MAP2K5: variants seen among roughly 807,000 people sequenced by gnomAD.
The protein encoded by MAP2K5 is dual specificity mitogen-activated protein kinase kinase 5.
MAP2K5 carries 49 observed loss-of-function variants against 83.1 expected under a neutral mutation model. The observed-to-expected ratio is 0.59, with a 90% CI of 0.47 to 0.75. The LOEUF is 0.75. MAP2K5 is among the 30% of genes least tolerant of loss of function. MAP2K5 has a pLI of 0.00. For synonymous variants in MAP2K5, 202 were observed against 191.8 expected (o/e 1.05, Z -0.44); for missense variants, 457 against 557.5 (o/e 0.82, Z 1.82).
chr15:67,678,962 C>CAAAAAAA (rs35828534), intron 13 of MAP2K5, among the ~76,000 whole-genome samples: 2 of 115,936 alleles, frequency 1.7e-5, no homozygotes, highest in South Asian at 3.1e-4. Context: ...CACTGCATCT[C>CAAAAAAA]AAAAAAAAAA....
chr15:67,629,097 A>G, intron 8 of MAP2K5: 1 of 734,472 alleles, frequency 1.4e-6, no homozygotes, highest in Non-Finnish European at 2.5e-6. Context: ...TGGCGGTTCC[A>G]GTAGCAGCAG....
At position 67,652,124 on chromosome 15, in the gene MAP2K5, A is replaced by G. The variant is rs1309318919; in HGVS notation, c.736+5655A>G. Among the ~76,000 whole-genome samples the G allele has an allele frequency of 6.6e-6, 1 of 152,188 alleles. No individual in the cohort carries two copies. The highest frequency in any genetic ancestry group is 1.5e-5 in the Non-Finnish European group (1 of 68,026). On this transcript the variant is annotated intron_variant, in intron 11 of 21. Transcript: ENST00000178640. This position sits in a 1 kb window ranked among gnomAD's most constrained non-coding sequence, Gnocchi z 4.2. ...ATTTCCCTGGTGATTAGTGATGTCA[A>G]ACATTTTTTCAAATGCCTTACGTTG...
In MAP2K5 at chr15:67,652,746, T is replaced by G. The variant is rs143764230; in HGVS notation, c.737-5807T>G. 7.4e-4 allele frequency among the ~76,000 whole-genome samples: 113 copies of G among 152,280 alleles called. No homozygotes were observed. The highest frequency in any genetic ancestry group is 2.6e-3 in the African/African-American group (107 of 41,572). ...CCACCATCCATCTGCAGAACTCTTT[T>G]TGTCTTGCAAAACTGAAACTCTATA... On this transcript the variant is annotated intron_variant, in intron 11 of 21. Coordinates refer to ENST00000178640, the MANE Select transcript of MAP2K5 (RefSeq NM_145160.3). This position sits in a 1 kb window ranked among gnomAD's most constrained non-coding sequence, Gnocchi z 4.2.
intron 15 of MAP2K5, among the ~76,000 whole-genome samples, chr15:67,700,694 C>T (rs2088393691): frequency 6.6e-6 from 1 of 152,116 alleles, no homozygotes; most frequent in South Asian, 2.1e-4. Context: ...GGCCTGAGCA[C>T]ATTTCCCAAT....
intron 3 of MAP2K5, among the ~76,000 whole-genome samples, chr15:67,568,670 T>C (rs1203884381): frequency 2.6e-5 from 4 of 152,080 alleles, no homozygotes; most frequent in Non-Finnish European, 5.9e-5. Context: ...ATAATACTTA[T>C]TACCAAAATG....
chr15:67,574,165 A>G (rs2085005819), intron 3 of MAP2K5, among the ~76,000 whole-genome samples: 1 of 152,150 alleles, frequency 6.6e-6, no homozygotes, highest in Non-Finnish European at 1.5e-5. Flanking sequence ...TGGGGTAGAG[A>G]ATTTATGAAG....
intron 8 of MAP2K5, among the ~76,000 whole-genome samples, chr15:67,630,646 A>C (rs1020297897): frequency 6.6e-6 from 1 of 152,232 alleles, no homozygotes; most frequent in African/African-American, 2.4e-5. Flanking sequence ...ATTCTCATCT[A>C]TAAAAGGAGG....
intron 17 of MAP2K5, among the ~76,000 whole-genome samples, chr15:67,745,072 T>C (rs2089574475): frequency 6.6e-6 from 1 of 152,152 alleles, no homozygotes; most frequent in Admixed American, 6.5e-5. Context: ...GAGGTTCATC[T>C]ATCAAAATGC....
intron 13 of MAP2K5, among the ~76,000 whole-genome samples, chr15:67,682,759 G>T (rs551222165): frequency 4.6e-5 from 7 of 151,952 alleles, no homozygotes; most frequent in African/African-American, 1.7e-4. Context: ...TGTGAACCCA[G>T]GAGGCAGAGC....
In MAP2K5 at chr15:67,773,115, T is replaced by A. The variant is rs144677100; in HGVS notation, c.1242+363T>A. ...TTAGTGCAATTCTGCAGAAAATTTC[T>A]GAATATGGCATGGAGTCCTCTTAGA... On this transcript the variant is annotated intron_variant, in intron 21 of 21. Transcript: ENST00000178640. Among the ~76,000 whole-genome samples the A allele has an allele frequency of 3.0e-3, 461 of 152,322 alleles. 2 individuals are homozygous for A. The highest frequency in any genetic ancestry group is 0.011 in the African/African-American group (445 of 41,576).
At chr15:67,647,530 T>C (rs1003438112) in intron 11 of MAP2K5, among the ~76,000 whole-genome samples, 1 of 152,110 alleles carries the variant, frequency 6.6e-6, no homozygotes, top group Non-Finnish European at 1.5e-5. Context: ...GAAGATTGCT[T>C]GAGCCCAGGA....
chr15:67,585,872 A>G lies in MAP2K5; in HGVS notation c.323-18A>G, dbSNP rs778599253. On this transcript the variant is annotated intron_variant, in intron 4 of 21. Transcript: ENST00000178640. ...ATGGCCCTGATGTGTTCTACAATTTAGTCAATTACTGTTTCAGCCTGCAAG... is the reference window on the plus strand; with the variant it reads ...ATGGCCCTGATGTGTTCTACAATTTGGTCAATTACTGTTTCAGCCTGCAAG... The G allele has an allele frequency of 4.3e-6, 7 of 1,611,752 alleles. No homozygotes were observed. In the African/African-American group the frequency reaches 9.4e-5, roughly 22 times the overall value.
In MAP2K5 at chr15:67,778,492, G is replaced by C. The variant is rs2090275109; in HGVS notation, c.1242+5740G>C. ...ACAATTAAGAAGATGATTTTATTTAGGGCTATTGCAGTAGGGAGAGTGTTT... is the reference window on the plus strand; with the variant it reads ...ACAATTAAGAAGATGATTTTATTTACGGCTATTGCAGTAGGGAGAGTGTTT... On this transcript the variant is annotated intron_variant, in intron 21 of 21. Coordinates refer to ENST00000178640, the MANE Select transcript of MAP2K5 (RefSeq NM_145160.3). This position sits in a 1 kb window ranked among gnomAD's most constrained non-coding sequence, Gnocchi z 5.0. Among the ~76,000 whole-genome samples, 1 of 152,154 alleles carries C rather than the reference G, an allele frequency of 6.6e-6. No individual in the cohort carries two copies.
At position 67,576,930 on chromosome 15, in the gene MAP2K5, T is replaced by TA. The variant is rs1567284275; in HGVS notation, c.253-3824_253-3823insA. Among the ~76,000 whole-genome samples, 263 of 119,136 alleles carry TA rather than the reference T, an allele frequency of 2.2e-3. 14 individuals are homozygous for TA. Among genetic ancestry groups the TA allele is most frequent in the Non-Finnish European group, 2.6e-3 (148 of 56,526 alleles). The allele number at this position is 119,136 out of a possible 152,430, so 78.2% of individuals were successfully genotyped here. ...CCTCACAGTAACCCTATATATATAT[T>TA]TTTTTTTTTTTTTTTTGAGACGGAG... is the stretch of plus-strand genomic sequence containing the variant. On this transcript the variant is annotated intron_variant, in intron 3 of 21. Coordinates refer to ENST00000178640, the MANE Select transcript of MAP2K5 (RefSeq NM_145160.3).
At chr15:67,591,065 G>A (rs1349442592) in intron 6 of MAP2K5, among the ~76,000 whole-genome samples, 1 of 152,066 alleles carries the variant, frequency 6.6e-6, no homozygotes, top group African/African-American at 2.4e-5. Context: ...GAATAGAGTT[G>A]GCTGGGTGTG....
In MAP2K5 at chr15:67,760,679, T is replaced by C. The variant is rs2089932028; in HGVS notation, c.1135-8923T>C. ...CCTTTGAATTGTCCATGAAGCCTGA[T>C]GTATTATTAATGAATTAATTTCTTG... On this transcript the variant is annotated intron_variant, in intron 19 of 21. Transcript: ENST00000178640. This position sits in a 1 kb window ranked among gnomAD's most constrained non-coding sequence, Gnocchi z 4.1. 1.3e-5 allele frequency among the ~76,000 whole-genome samples: 2 copies of C among 152,234 alleles called. No individual in the cohort carries two copies. The highest frequency in any genetic ancestry group is 1.3e-4 in the Admixed American group (2 of 15,292).
intron 15 of MAP2K5, among the ~76,000 whole-genome samples, chr15:67,694,878 G>A (rs1280724295): frequency 5.9e-5 from 9 of 152,072 alleles, no homozygotes; most frequent in African/African-American, 2.2e-4. Flanking sequence ...AACAATGATA[G>A]ACAGGATTAA....
At chr15:67,560,333 C>T (rs369258676) in intron 2 of MAP2K5, among the ~76,000 whole-genome samples, 5 of 152,290 alleles carry the variant, frequency 3.3e-5, no homozygotes, top group Admixed American at 2.6e-4. Flanking sequence ...AACTCAGTTT[C>T]CTCTTGGACA....
At chr15:67,710,436 C>T (rs1011543181) in intron 16 of MAP2K5, among the ~76,000 whole-genome samples, 1 of 148,048 alleles carries the variant, frequency 6.8e-6, no homozygotes, top group Non-Finnish European at 1.5e-5. Context: ...AGGTAAAGAA[C>T]ATAGTCAGAG....
Sources: gnomAD v4.1 joint callset for allele counts (sites outside exome capture counted in the v4.1 genomes callset) on GRCh38, gnomAD v4.1.1 for gene constraint, Gnocchi (gnomAD v3.1) non-coding constraint, MANE v1.5 for transcripts, NCBI Gene and HGNC (gene_info 2026-07-23, HGNC 2026-07-21) for gene names.